The following PARD3 variants were observed in gnomAD, a reference collection of about 807,000 sequenced individuals.
PARD3 encodes par-3 family cell polarity regulator.
A neutral mutation model predicts 155.4 loss-of-function variants in PARD3; 75 were observed. The observed-to-expected ratio is 0.48, with a 90% CI of 0.40 to 0.58. The LOEUF is 0.58. Among genes scored for constraint, PARD3 ranks in the 20% least tolerant of loss-of-function variants. The probability of loss-of-function intolerance (pLI) is 0.00; values close to 1 mark genes in which losing one functional copy is unlikely to be tolerated. For synonymous variants in PARD3, 576 were observed against 610.5 expected (o/e 0.94, Z 0.83); for missense variants, 1,642 against 1,721.7 (o/e 0.95, Z 0.82).
At chr10:34,721,368 T>C (rs534548392) in intron 1 of PARD3, among the ~76,000 whole-genome samples, 2 of 152,282 alleles carry the variant, frequency 1.3e-5, no homozygotes, top group South Asian at 2.1e-4. Context: ...AAGTAAGCTA[T>C]GTGAAAAGAA....
intron 1 of PARD3, among the ~76,000 whole-genome samples, chr10:34,769,130 C>A (rs1174659896): frequency 6.6e-6 from 1 of 152,212 alleles, no homozygotes; most frequent in Admixed American, 6.5e-5. Flanking sequence ...CAAGGTGGCC[C>A]CTTCTGCCCC....
At chr10:34,749,262 A>T (rs1203102097) in intron 1 of PARD3, among the ~76,000 whole-genome samples, 1 of 152,252 alleles carries the variant, frequency 6.6e-6, no homozygotes, top group African/African-American at 2.4e-5. Flanking sequence ...TCCTAACACC[A>T]TGATTATTTC....
intron 21 of PARD3, among the ~76,000 whole-genome samples, chr10:34,275,360 T>C (rs553029893): frequency 1.8e-4 from 28 of 152,336 alleles, no homozygotes; most frequent in Middle Eastern, 3.4e-3. Flanking sequence ...GTAGAACTAC[T>C]GCCGCAAAAG....
At chr10:34,628,030 T>TA (rs1396965193) in intron 2 of PARD3, among the ~76,000 whole-genome samples, 1 of 152,118 alleles carries the variant, frequency 6.6e-6, no homozygotes, top group East Asian at 1.9e-4. Context: ...CGTTGTGCCC[T>TA]AATCTGCCCC....
intron 2 of PARD3, among the ~76,000 whole-genome samples, chr10:34,581,390 G>A (rs1463929501): frequency 6.6e-6 from 1 of 151,534 alleles, no homozygotes; most frequent in Non-Finnish European, 1.5e-5. Flanking sequence ...ACCTGCCACT[G>A]CGCCCGGCTA....
intron 2 of PARD3, among the ~76,000 whole-genome samples, chr10:34,570,327 T>A (rs868761620): frequency 6.6e-6 from 1 of 152,222 alleles, no homozygotes. Context: ...TTTGTTTCCA[T>A]TGAGAATTCT....
intron 2 of PARD3, among the ~76,000 whole-genome samples, chr10:34,606,049 T>C (rs1207564664): frequency 2.1e-5 from 3 of 141,986 alleles, no homozygotes; most frequent in Non-Finnish European, 4.5e-5. Context: ...ATATCTTCTA[T>C]ATATATATAT....
chr10:34,540,257 G>C (rs1193539303), intron 2 of PARD3, among the ~76,000 whole-genome samples: 2 of 151,716 alleles, frequency 1.3e-5, no homozygotes, highest in Non-Finnish European at 2.9e-5. Context: ...GCACATAGTA[G>C]GTACAGAGTA....
intron 5 of PARD3, among the ~76,000 whole-genome samples, chr10:34,421,806 A>G (rs1846213210): frequency 6.6e-6 from 1 of 151,934 alleles, no homozygotes; most frequent in Non-Finnish European, 1.5e-5. Context: ...CAATAAATGT[A>G]AAGAATTGTA....
intron 22 of PARD3, among the ~76,000 whole-genome samples, chr10:34,224,484 T>C (rs1175952348): frequency 1.3e-5 from 2 of 152,186 alleles, no homozygotes; most frequent in African/African-American, 4.8e-5. Flanking sequence ...CCTCAGTAAA[T>C]ATCTGCGGAG....
intron 2 of PARD3, among the ~76,000 whole-genome samples, chr10:34,623,188 A>T (rs2091793794): frequency 2.6e-5 from 4 of 152,172 alleles, no homozygotes; most frequent in Admixed American, 2.6e-4. Context: ...GAAAAATGAT[A>T]CTTTCACGGC....
At chr10:34,261,801 GAAAGAAAGAAAGAAAGAA>G (rs1441441180) in intron 22 of PARD3, among the ~76,000 whole-genome samples, 2 of 138,670 alleles carry the variant, frequency 1.4e-5, no homozygotes, top group African/African-American at 5.4e-5. Context: ...AAGAAAGAAA[GAAAGAAAGAAAGAAAGAA>G]AGAAAGAAAC....
At position 34,421,823 on chromosome 10, in the gene PARD3, C is replaced by T. The variant is rs539335401; in HGVS notation, c.715-19906G>A. Among the ~76,000 whole-genome samples the T allele has an allele frequency of 2.0e-5, 3 of 152,160 alleles. No homozygotes were observed. In the East Asian group the frequency reaches 5.8e-4, roughly 29 times the overall value. Reference sequence around the variant, plus strand: ...ATAAATGTAAAGAATTGTATGTATGCTAGTGCTATTAAAAATGAGTAAGGT... The same window carrying T: ...ATAAATGTAAAGAATTGTATGTATGTTAGTGCTATTAAAAATGAGTAAGGT... On this transcript the variant is annotated intron_variant, in intron 5 of 24. Transcript: ENST00000374788.
At chr10:34,264,899 G>A (rs937363858) in intron 22 of PARD3, among the ~76,000 whole-genome samples, 4 of 152,062 alleles carry the variant, frequency 2.6e-5, no homozygotes, top group African/African-American at 9.7e-5. Context: ...GTAGATGCAT[G>A]TCACCACGCC....
chr10:34,119,778 A>C, intron 23 of PARD3, 38 bp from the exon 24 acceptor site: 1 of 1,566,716 alleles, frequency 6.4e-7, no homozygotes, highest in South Asian at 1.1e-5. Flanking sequence ...TTAACCAGAA[A>C]GTTCTGTACA....
intron 2 of PARD3, among the ~76,000 whole-genome samples, chr10:34,539,166 A>G (rs2083427089): frequency 6.6e-6 from 1 of 152,172 alleles, no homozygotes; most frequent in Admixed American, 6.5e-5. Flanking sequence ...ACCTGCCTAA[A>G]ATCTGAACAA....
intron 5 of PARD3, among the ~76,000 whole-genome samples, chr10:34,436,464 A>G (rs1474775081): frequency 1.3e-5 from 2 of 152,258 alleles, no homozygotes. Flanking sequence ...GAGGTGATAG[A>G]GTGAACAGGG....
chr10:34,794,026 C>T (rs1185755885), intron 1 of PARD3, among the ~76,000 whole-genome samples: 1 of 152,014 alleles, frequency 6.6e-6, no homozygotes, highest in East Asian at 1.9e-4. Flanking sequence ...CAAAGGTAAG[C>T]AAACTCAACA....
rs535179944 is a variant in PARD3 at position 34,177,895 on chromosome 10, T to C, written c.3420-46312A>G. On this transcript the variant is annotated intron_variant, in intron 22 of 24. Coordinates refer to ENST00000374788, the MANE Select transcript of PARD3 (RefSeq NM_001184785.2). The stretch of plus-strand genomic sequence containing the variant: ...GTTTCTTTTCCCTGCTGAGGACTTC[T>C]GGCCCTCAGCCGTTCTAATTTCTTC... 2.6e-5 allele frequency among the ~76,000 whole-genome samples: 4 copies of C among 152,350 alleles called. No homozygotes were observed. The South Asian group carries it at 6.2e-4, about 24-fold the overall frequency.
Sources: allele counts gnomAD v4.1 joint callset (sites outside exome capture counted in the v4.1 genomes callset), GRCh38; gene constraint gnomAD v4.1.1; transcripts MANE v1.5; gene names NCBI Gene and HGNC (gene_info 2026-07-23, HGNC 2026-07-21).